Variants in FAM135B observed in about 807,000 individuals in gnomAD.
The protein encoded by FAM135B is family with sequence similarity 135 member B.
A neutral mutation model predicts 127.7 loss-of-function variants in FAM135B; 43 were observed. The ratio of observed to expected loss-of-function variants is 0.34; its 90% CI spans 0.26 to 0.43. The LOEUF (loss-of-function observed/expected upper bound fraction) is 0.43, where lower values mean the gene tolerates loss of function less well. Ranked by LOEUF, FAM135B falls within the 20% of genes least tolerant of loss-of-function variation. The pLI is 1.00. For synonymous variants in FAM135B, 670 were observed against 665.1 expected, an observed-to-expected ratio of 1.01 and a Z score of -0.11; for missense variants, 1,558 against 1,725.6, an observed-to-expected ratio of 0.90 and a Z score of 1.72.
intron 2 of FAM135B, among the ~76,000 whole-genome samples, chr8:138,324,176 C>T (rs780090810): frequency 6.6e-6 from 1 of 152,196 alleles, no homozygotes; most frequent in Non-Finnish European, 1.5e-5. Context: ...GTGGCATCCA[C>T]ATTACGAGAG....
intron 1 of FAM135B, among the ~76,000 whole-genome samples, chr8:138,491,156 A>G (rs1173806346): frequency 5.5e-4 from 81 of 147,070 alleles, no homozygotes; most frequent in East Asian, 1.4e-3. Context: ...AAAAAAAAAA[A>G]AAAGAAAGAA....
In FAM135B at chr8:138,242,930, C is replaced by G. The variant is rs772851887; in HGVS notation, c.669+12G>C. 2 of 1,610,698 alleles carry G rather than the reference C, an allele frequency of 1.2e-6. No individual in the cohort carries two copies. The highest frequency in any genetic ancestry group is 8.5e-7 in the Non-Finnish European group (1 of 1,178,696). ...TGAAAGTTTTGAAGCAACTGCCCCA[C>G]ACAGGCCTTACCTCTGAGGAAGTCG... On this transcript the variant is annotated intron_variant, in intron 7 of 19. Transcript: ENST00000395297. This position sits in a 1 kb window ranked among gnomAD's most constrained non-coding sequence, Gnocchi z 9.6.
At chr8:138,361,572 C>G (rs1429554995) in intron 2 of FAM135B, among the ~76,000 whole-genome samples, 1 of 152,180 alleles carries the variant, frequency 6.6e-6, no homozygotes, top group African/African-American at 2.4e-5. Context: ...TCTAACATTC[C>G]TTTTTTGCAG....
intron 1 of FAM135B, among the ~76,000 whole-genome samples, chr8:138,429,924 A>G (rs1835103106): frequency 6.6e-6 from 1 of 152,344 alleles, no homozygotes; most frequent in Middle Eastern, 3.4e-3. Context: ...TCATACAGTC[A>G]TACAGCAAGA....
chr8:138,378,068 A>G (rs142703803), intron 1 of FAM135B, among the ~76,000 whole-genome samples: 1 of 152,222 alleles, frequency 6.6e-6, no homozygotes. Context: ...TTCTGTGTGG[A>G]AACTTGGACA....
At chr8:138,183,761 C>G (rs139771405) in intron 9 of FAM135B, among the ~76,000 whole-genome samples, 1 of 152,198 alleles carries the variant, frequency 6.6e-6, no homozygotes, top group African/African-American at 2.4e-5. Context: ...TTCCGGGAGA[C>G]TTTCTATCAA....
At chr8:138,134,286 G>A (rs1296882775) in intron 19 of FAM135B, among the ~76,000 whole-genome samples, 1 of 152,076 alleles carries the variant, frequency 6.6e-6, no homozygotes, top group African/African-American at 2.4e-5. Flanking sequence ...CAAGAATAAT[G>A]AATAAATGTT....
At chr8:138,175,012 T>C (rs1316957526) in intron 11 of FAM135B, among the ~76,000 whole-genome samples, 1 of 152,210 alleles carries the variant, frequency 6.6e-6, no homozygotes, top group East Asian at 1.9e-4. Context: ...AGTTATTGAA[T>C]GAAGGACTCT....
intron 1 of FAM135B, among the ~76,000 whole-genome samples, chr8:138,447,643 G>A (rs954585267): frequency 1.1e-4 from 16 of 151,192 alleles, no homozygotes; most frequent in Admixed American, 3.3e-4. Flanking sequence ...ATGACACACC[G>A]GGGCCTGTTG....
intron 2 of FAM135B, among the ~76,000 whole-genome samples, chr8:138,323,092 C>A (rs2130953777): frequency 1.3e-5 from 2 of 152,302 alleles, no homozygotes; most frequent in South Asian, 4.1e-4. Flanking sequence ...GGAAAGTCCA[C>A]TCCAATATTT....
intron 12 of FAM135B, among the ~76,000 whole-genome samples, chr8:138,160,564 T>TA (rs1194677755): frequency 1.3e-5 from 2 of 150,698 alleles, no homozygotes; most frequent in African/African-American, 4.9e-5. Flanking sequence ...CATTTTTTTT[T>TA]TTTTTTGTAT....
At chr8:138,492,790 C>T (rs927395781) in intron 1 of FAM135B, among the ~76,000 whole-genome samples, 9 of 152,266 alleles carry the variant, frequency 5.9e-5, no homozygotes, top group Non-Finnish European at 8.8e-5. Flanking sequence ...AAGAAGGCAT[C>T]CTTGACAGCC....
chr8:138,448,142 T>C (rs907407578), intron 1 of FAM135B, among the ~76,000 whole-genome samples: 2 of 144,708 alleles, frequency 1.4e-5, no homozygotes, highest in African/African-American at 5.2e-5. Context: ...GTACTTGGGG[T>C]GGGTGTCAGA....
chr8:138,342,070 C>T (rs1205273663), intron 2 of FAM135B, among the ~76,000 whole-genome samples: 2 of 152,110 alleles, frequency 1.3e-5, no homozygotes, highest in Non-Finnish European at 2.9e-5. Context: ...GAAACACCTA[C>T]TAGGCGTCAA....
intron 1 of FAM135B, among the ~76,000 whole-genome samples, chr8:138,390,293 G>A (rs1346758931): frequency 1.3e-5 from 2 of 152,106 alleles, no homozygotes; most frequent in East Asian, 3.9e-4. Context: ...AATCATAGGG[G>A]CGGTTTCCCC....
intron 1 of FAM135B, chr8:138,437,476 C>T (rs1231755897): frequency 1.3e-5 from 2 of 152,152 alleles, no homozygotes; most frequent in African/African-American, 4.8e-5. Flanking sequence ...CTTCCTGCCG[C>T]CTTGTGAAGA....
chr8:138,290,975 T>C (rs1225639046), intron 3 of FAM135B, among the ~76,000 whole-genome samples: 1 of 152,196 alleles, frequency 6.6e-6, no homozygotes, highest in Non-Finnish European at 1.5e-5. Flanking sequence ...GTTCTCACTA[T>C]GTCATGCTGC....
intron 1 of FAM135B, chr8:138,441,536 C>A (rs1448835345): frequency 1.3e-5 from 2 of 152,206 alleles, no homozygotes; most frequent in Non-Finnish European, 2.9e-5. Flanking sequence ...CTCTTGAACA[C>A]AGCCTGACAT....
At chr8:138,190,970 A>T (rs543267412) in intron 9 of FAM135B, among the ~76,000 whole-genome samples, 2 of 152,316 alleles carry the variant, frequency 1.3e-5, no homozygotes, top group East Asian at 3.9e-4. Flanking sequence ...TAAACTGCAA[A>T]AAACCAAGCT....
Sources: allele counts gnomAD v4.1 joint callset (sites outside exome capture counted in the v4.1 genomes callset), GRCh38; gene constraint gnomAD v4.1.1; non-coding constraint Gnocchi (gnomAD v3.1); transcripts MANE v1.5; gene names NCBI Gene and HGNC (gene_info 2026-07-23, HGNC 2026-07-21).